Variants in HSD17B12 observed in about 807,000 individuals in gnomAD.
The protein encoded by HSD17B12 is very-long-chain 3-oxoacyl-CoA reductase.
A neutral mutation model predicts 39.3 loss-of-function variants in HSD17B12; 32 were observed. The observed-to-expected ratio is 0.81, with a 90% CI of 0.61 to 1.09. The LOEUF (loss-of-function observed/expected upper bound fraction) is 1.09. Among genes scored for constraint, HSD17B12 ranks in the 50% least tolerant of loss-of-function variants. HSD17B12 has a pLI of 0.00. For synonymous variants in HSD17B12, 150 were observed against 146.7 expected, an observed-to-expected ratio of 1.02 and a Z score of -0.16; for missense variants, 342 against 382.9, an observed-to-expected ratio of 0.89 and a Z score of 0.89.
intron 3 of HSD17B12, among the ~76,000 whole-genome samples, chr11:43,771,619 A>G (rs894590790): frequency 6.6e-6 from 1 of 151,562 alleles, no homozygotes; most frequent in African/African-American, 2.4e-5. Flanking sequence ...GACACACACT[A>G]CTATGCCCAG....
chr11:43,823,513 C>T (rs1951202984), intron 6 of HSD17B12, among the ~76,000 whole-genome samples: 1 of 152,066 alleles, frequency 6.6e-6, no homozygotes, highest in Non-Finnish European at 1.5e-5. Context: ...TCAAGCGATC[C>T]TCCTGCCTCA....
chr11:43,740,470 A>G (rs1255352570), intron 1 of HSD17B12, among the ~76,000 whole-genome samples: 1 of 152,214 alleles, frequency 6.6e-6, no homozygotes, highest in Non-Finnish European at 1.5e-5. Context: ...GAACTTTTGT[A>G]TATGTTTGAT....
chr11:43,591,726 T>C, the HSD17B12 span, among the ~76,000 whole-genome samples: 1 of 152,120 alleles, frequency 6.6e-6, no homozygotes, highest in African/African-American at 2.4e-5. Flanking sequence ...GTTTCTTTTT[T>C]TTTGTATTTG....
intron 1 of HSD17B12, among the ~76,000 whole-genome samples, chr11:43,699,798 C>CA (rs1431466708): frequency 1.3e-5 from 2 of 151,918 alleles, no homozygotes; most frequent in African/African-American, 4.8e-5. Context: ...ATAATCCGAT[C>CA]AAAAAATGGG....
chr11:43,800,624 T>G (rs1296565647), intron 4 of HSD17B12, among the ~76,000 whole-genome samples: 1 of 152,208 alleles, frequency 6.6e-6, no homozygotes, highest in African/African-American at 2.4e-5. Context: ...GTTCTCTAAA[T>G]ACTTTTTCCC....
chr11:43,734,313 T>C, intron 1 of HSD17B12: 1 of 1,117,766 alleles, frequency 8.9e-7, no homozygotes, highest in Non-Finnish European at 1.4e-6. Flanking sequence ...GCCAAAAAGG[T>C]GGCTCAGCAG....
intron 1 of HSD17B12, among the ~76,000 whole-genome samples, chr11:43,710,414 T>C (rs879349099): frequency 2.0e-5 from 3 of 152,180 alleles, no homozygotes; most frequent in Admixed American, 2.0e-4. Flanking sequence ...ACTTGAACCA[T>C]CTTTTGCAAA....
chr11:43,812,901 G>T (rs10400368), intron 4 of HSD17B12, among the ~76,000 whole-genome samples: 33,770 of 152,060 alleles, frequency 0.22, 3,990 homozygotes, highest in Middle Eastern at 0.37. Context: ...GAGTGCAGTG[G>T]CGTGATCTCG....
At chr11:43,776,176 G>A (rs1246887281) in intron 3 of HSD17B12, among the ~76,000 whole-genome samples, 8 of 152,018 alleles carry the variant, frequency 5.3e-5, no homozygotes, top group African/African-American at 1.4e-4. Flanking sequence ...CTGAGGAATC[G>A]CCACACTGAC....
chr11:43,778,068 C>T, intron 3 of HSD17B12, among the ~76,000 whole-genome samples: 1 of 151,754 alleles, frequency 6.6e-6, no homozygotes, highest in Non-Finnish European at 1.5e-5. Context: ...AAAGGATCAA[C>T]AAAATTGATA....
At chr11:43,713,655 C>T (rs929093843) in intron 1 of HSD17B12, among the ~76,000 whole-genome samples, 4 of 152,108 alleles carry the variant, frequency 2.6e-5, no homozygotes, top group Admixed American at 2.6e-4. Flanking sequence ...TATGGGATAG[C>T]TGGGTCAAAT....
intron 4 of HSD17B12, among the ~76,000 whole-genome samples, chr11:43,804,714 C>T (rs1951002427): frequency 6.6e-6 from 1 of 152,080 alleles, no homozygotes; most frequent in Non-Finnish European, 1.5e-5. Context: ...CCTAGTGTTT[C>T]CCAGAAGGTT....
chr11:43,669,034 G>T, the HSD17B12 span, among the ~76,000 whole-genome samples: 1 of 151,714 alleles, frequency 6.6e-6, no homozygotes, highest in African/African-American at 2.4e-5. Context: ...TATTGCCACT[G>T]ATATTGAAGA....
the HSD17B12 span, among the ~76,000 whole-genome samples, chr11:43,607,684 G>A: frequency 1.3e-5 from 2 of 151,996 alleles, no homozygotes; most frequent in South Asian, 2.1e-4. Context: ...GGCATATAAC[G>A]GTCATTGTAT....
chr11:43,676,708 T>C (rs1949697453), upstream of HSD17B12, among the ~76,000 whole-genome samples: 1 of 152,224 alleles, frequency 6.6e-6, no homozygotes, highest in Non-Finnish European at 1.5e-5. Context: ...TAGATATTTG[T>C]TGGGGTACCC....
chr11:43,704,950 C>G (rs1209847343), intron 1 of HSD17B12, among the ~76,000 whole-genome samples: 1 of 152,140 alleles, frequency 6.6e-6, no homozygotes. Flanking sequence ...TTTCCTGTTA[C>G]TTTGAGATAA....
Position 43,690,207 on chromosome 11 carries a change from T to G in HSD17B12, c.160+9220T>G, listed in dbSNP as rs563363642. ...TCACCATCTCCCCTACTGTATACTT[T>G]GCTCATTTATGATGTTTCTGTTAGA... On this transcript the variant is annotated intron_variant, in intron 1 of 10. Coordinates refer to ENST00000278353, the MANE Select transcript of HSD17B12 (RefSeq NM_016142.3). Among the ~76,000 whole-genome samples the G allele has an allele frequency of 9.1e-4, 138 of 151,558 alleles. 1 individual carries two copies. Among genetic ancestry groups the G allele is most frequent in the Non-Finnish European group, 1.5e-3 (100 of 67,898 alleles).
intron 1 of HSD17B12, among the ~76,000 whole-genome samples, chr11:43,718,523 CA>C (rs1371998455): frequency 1.3e-5 from 2 of 152,172 alleles, no homozygotes; most frequent in African/African-American, 4.8e-5. Flanking sequence ...AGTGGTGAGA[CA>C]GGGGCAAGAA....
At chr11:43,698,584 C>T (rs1428080524) in intron 1 of HSD17B12, among the ~76,000 whole-genome samples, 1 of 152,158 alleles carries the variant, frequency 6.6e-6, no homozygotes, top group Non-Finnish European at 1.5e-5. Flanking sequence ...GAGTTCATAT[C>T]TCATCTTCCC....
Sources: gnomAD v4.1 joint callset for allele counts (sites outside exome capture counted in the v4.1 genomes callset) on GRCh38, gnomAD v4.1.1 for gene constraint, MANE v1.5 for transcripts, NCBI Gene and HGNC (gene_info 2026-07-23, HGNC 2026-07-21) for gene names.